FLVCR2: variants seen among roughly 807,000 people sequenced by gnomAD.
The protein encoded by FLVCR2 is FLVCR choline and putative heme transporter 2, also known as choline/ethanolamine transporter FLVCR2.
FLVCR2 carries 38 observed loss-of-function variants against 48.9 expected under a neutral mutation model. The ratio of observed to expected loss-of-function variants is 0.78; its 90% CI spans 0.60 to 1.02. The LOEUF (loss-of-function observed/expected upper bound fraction) is 1.02, where lower values mean the gene tolerates loss of function less well. FLVCR2 is among the 50% of genes least tolerant of loss of function. The probability of loss-of-function intolerance (pLI) is 0.00; values close to 1 mark genes in which losing one functional copy is unlikely to be tolerated. For missense variants in FLVCR2, 664 were observed against 663.3 expected, an observed-to-expected ratio of 1.00 and a Z score of -0.01; for synonymous variants, 255 against 257.0, an observed-to-expected ratio of 0.99 and a Z score of 0.07.
At position 75,578,821 on chromosome 14, in the gene FLVCR2, C is replaced by A; in HGVS notation, c.-152C>A. The A allele has an allele frequency of 1.4e-6, 1 of 726,726 alleles. No individual in the cohort carries two copies. 45.0% of individuals were successfully genotyped at this position (726,726 alleles called of 1,614,324 possible). On this transcript the variant is annotated 5_prime_UTR_variant, in exon 1 of 10. Transcript: ENST00000238667. ...GGAGCTTGGAGGTGAGCACAGGAAG[C>A]CCCACTTGAGGCTTTTACGCAGCCT...
intron 3 of FLVCR2, among the ~76,000 whole-genome samples, chr14:75,625,078 T>TA (rs1384947569): frequency 6.8e-4 from 45 of 65,882 alleles, no homozygotes; most frequent in Non-Finnish European, 1.1e-3. Context: ...CACCTGTCAT[T>TA]AAAAAAAAAT....
chr14:75,605,768 A>C, intron 1 of FLVCR2: 2 of 806,496 alleles, frequency 2.5e-6, no homozygotes, highest in South Asian at 3.0e-5. Context: ...CAGTTCCAGG[A>C]GGCTGCTTTT....
At chr14:75,620,359 A>C (rs903322803) in intron 1 of FLVCR2, among the ~76,000 whole-genome samples, 1 of 152,154 alleles carries the variant, frequency 6.6e-6, no homozygotes, top group Non-Finnish European at 1.5e-5. Flanking sequence ...CTGGCCAGAG[A>C]AGCCAGGAGA....
At chr14:75,627,299 C>T (rs1324596570) in intron 3 of FLVCR2, among the ~76,000 whole-genome samples, 3 of 151,998 alleles carry the variant, frequency 2.0e-5, no homozygotes, top group East Asian at 1.9e-4. Flanking sequence ...TTAGAAAATC[C>T]GCTCCTCTAT....
intron 1 of FLVCR2, among the ~76,000 whole-genome samples, chr14:75,599,792 G>A (rs771636530): frequency 2.6e-5 from 4 of 152,204 alleles, no homozygotes; most frequent in Non-Finnish European, 4.4e-5. Flanking sequence ...AGAGAGTCCA[G>A]ATATAAACCC....
chr14:75,639,301 G>C, intron 5 of FLVCR2, 51 bp from the exon 6 acceptor site: 1 of 1,070,712 alleles, frequency 9.3e-7, no homozygotes, highest in Non-Finnish European at 1.5e-6. Context: ...GAATGAATGA[G>C]CCTATTAAAG....
At chr14:75,616,262 G>T (rs1009538568) in intron 1 of FLVCR2, among the ~76,000 whole-genome samples, 2 of 151,594 alleles carry the variant, frequency 1.3e-5, no homozygotes, top group African/African-American at 4.8e-5. Flanking sequence ...AGGAGGCGGA[G>T]GTTGCAGTGA....
intron 1 of FLVCR2, among the ~76,000 whole-genome samples, chr14:75,580,783 A>G (rs1888578323): frequency 6.6e-6 from 1 of 152,196 alleles, no homozygotes; most frequent in Non-Finnish European, 1.5e-5. Context: ...GGGTGGGGCG[A>G]AACAAATCAC....
chr14:75,582,219 T>TA (rs1339691312), intron 1 of FLVCR2, among the ~76,000 whole-genome samples: 2 of 152,308 alleles, frequency 1.3e-5, no homozygotes, highest in East Asian at 3.9e-4. Flanking sequence ...GAAGAGTTTT[T>TA]ATTAAGGAGG....
intron 1 of FLVCR2, among the ~76,000 whole-genome samples, chr14:75,616,303 G>A (rs982396874): frequency 2.6e-4 from 40 of 151,642 alleles, no homozygotes; most frequent in African/African-American, 9.0e-4. Flanking sequence ...CTCCAGCCTG[G>A]CGACAGAGTG....
chr14:75,604,012 C>G (rs1465915845), intron 1 of FLVCR2, among the ~76,000 whole-genome samples: 1 of 152,164 alleles, frequency 6.6e-6, no homozygotes, highest in South Asian at 2.1e-4. Flanking sequence ...ATTAAGATGA[C>G]CAGTCAGTTA....
At chr14:75,584,062 G>A (rs1218023785) in intron 1 of FLVCR2, among the ~76,000 whole-genome samples, 4 of 152,086 alleles carry the variant, frequency 2.6e-5, no homozygotes, top group Non-Finnish European at 2.9e-5. Context: ...CTGGGGGCCC[G>A]CACAGATGGC....
intron 1 of FLVCR2, among the ~76,000 whole-genome samples, chr14:75,588,445 T>C (rs960143473): frequency 2.6e-5 from 4 of 152,226 alleles, no homozygotes; most frequent in African/African-American, 9.6e-5. Context: ...TAGTGTTACA[T>C]TGGGAATTAG....
chr14:75,633,934 A>ATTT (rs1180608864), intron 4 of FLVCR2, among the ~76,000 whole-genome samples: 15 of 141,342 alleles, frequency 1.1e-4, no homozygotes, highest in Non-Finnish European at 2.2e-4. Context: ...CTGAGCTCTC[A>ATTT]TTTTTTTTTT....
At chr14:75,602,995 C>A (rs1435361382) in intron 1 of FLVCR2, among the ~76,000 whole-genome samples, 3 of 152,170 alleles carry the variant, frequency 2.0e-5, no homozygotes, top group Non-Finnish European at 4.4e-5. Flanking sequence ...TCTGTTCCAA[C>A]ACTGGCCTTT....
intron 4 of FLVCR2, 101 bp downstream of exon 4, chr14:75,633,797 T>C: frequency 5.5e-6 from 5 of 908,770 alleles, no homozygotes; most frequent in Non-Finnish European, 9.2e-6. Context: ...TTCCCCCCAG[T>C]TCTAGGTAGG....
At chr14:75,627,150 G>T (rs950208583) in intron 3 of FLVCR2, among the ~76,000 whole-genome samples, 3 of 151,912 alleles carry the variant, frequency 2.0e-5, no homozygotes, top group Non-Finnish European at 4.4e-5. Flanking sequence ...CCTCTCACAT[G>T]CCTGTTTGCT....
intron 1 of FLVCR2, among the ~76,000 whole-genome samples, chr14:75,603,206 G>T (rs1275459573): frequency 6.6e-6 from 1 of 152,150 alleles, no homozygotes; most frequent in Non-Finnish European, 1.5e-5. Flanking sequence ...GCCTGAAACC[G>T]CAGCCCAAAG....
chr14:75,646,526 A>AC lies in FLVCR2; in HGVS notation c.*55dup. ...CGAACACCCCACCTTTTCCTTCAGC[A>AC]CAGCTCTCACCGCCAGCACAAAGGG... On this transcript the variant is annotated 3_prime_UTR_variant, in exon 10 of 10. Coordinates refer to ENST00000238667, the MANE Select transcript of FLVCR2 (RefSeq NM_017791.3). 7.9e-7 allele frequency: 1 copy of AC among 1,271,862 alleles called. No homozygotes were observed. Among genetic ancestry groups the AC allele is most frequent in the Non-Finnish European group, 1.2e-6 (1 of 869,282 alleles). The allele number at this position is 1,271,862 out of a possible 1,614,324, so 78.8% of individuals were successfully genotyped here.
Sources: gnomAD v4.1 joint callset for allele counts (sites outside exome capture counted in the v4.1 genomes callset) on GRCh38, gnomAD v4.1.1 for gene constraint, MANE v1.5 for transcripts, NCBI Gene and HGNC (gene_info 2026-07-23, HGNC 2026-07-21) for gene names.